WDR25: variants seen among roughly 807,000 people sequenced by gnomAD.
WDR25 encodes WD repeat domain 25, also known as WD repeat-containing protein 25.
In WDR25, 35 loss-of-function variants were observed where a neutral mutation model predicts 47.7. That is an observed-to-expected ratio of 0.73 (90% CI 0.56 to 0.97). The LOEUF (loss-of-function observed/expected upper bound fraction) is 0.97. Ranked by LOEUF, WDR25 falls within the 50% of genes least tolerant of loss-of-function variation. The probability of loss-of-function intolerance (pLI) is 0.00; values close to 1 mark genes in which losing one functional copy is unlikely to be tolerated. For missense variants in WDR25, 634 were observed against 704.7 expected (o/e 0.90, Z 1.14); for synonymous variants, 248 against 278.9 (o/e 0.89, Z 1.10).
At chr14:100,419,415 G>C (rs1897967535) in intron 2 of WDR25, among the ~76,000 whole-genome samples, 1 of 152,012 alleles carries the variant, frequency 6.6e-6, no homozygotes, top group South Asian at 2.1e-4. Flanking sequence ...AACAGAAAAG[G>C]CTATTTCATG....
At position 100,508,218 on chromosome 14, in the gene WDR25, C is replaced by T. The variant is rs1430164415; in HGVS notation, c.1102-17652C>T. Among the ~76,000 whole-genome samples the T allele has an allele frequency of 2.6e-5, 4 of 152,022 alleles. No individual in the cohort carries two copies. In the East Asian group the frequency reaches 5.8e-4, roughly 22 times the overall value. On this transcript the variant is annotated intron_variant, in intron 4 of 6. Transcript: ENST00000402312. ...CACAGAAAAAGCTTTCAATAAAATCCAACATCCTTTCGTGATAAAAACCCT... is the reference window on the plus strand; with the variant it reads ...CACAGAAAAAGCTTTCAATAAAATCTAACATCCTTTCGTGATAAAAACCCT...
At chr14:100,514,061 A>C (rs113159755) in intron 4 of WDR25, among the ~76,000 whole-genome samples, 20 of 150,914 alleles carry the variant, frequency 1.3e-4, no homozygotes, top group Admixed American at 7.3e-4. Context: ...TCAGCCTCCC[A>C]AGTAGCTGGG....
chr14:100,457,307 AG>A (rs918190209), intron 2 of WDR25, among the ~76,000 whole-genome samples: 15 of 152,212 alleles, frequency 9.9e-5, no homozygotes, highest in Non-Finnish European at 5.9e-5. Flanking sequence ...AGTAACCAGA[AG>A]GGGGAACAAG....
rs912378313 is a variant in WDR25, at chr14:100,449,806, C to A, written c.823-18215C>A. Among the ~76,000 whole-genome samples the A allele has an allele frequency of 6.6e-6, 1 of 152,196 alleles. No individual in the cohort carries two copies. Among genetic ancestry groups the A allele is most frequent in the Non-Finnish European group, 1.5e-5 (1 of 68,036 alleles). Reference sequence around the variant, plus strand: ...ACCATCATGCGGTCATAGGATGAGACGTCCCAGGTTCTGGCTCTCCCTGCC... The same window carrying A: ...ACCATCATGCGGTCATAGGATGAGAAGTCCCAGGTTCTGGCTCTCCCTGCC... On this transcript the variant is annotated intron_variant, in intron 2 of 6. Coordinates refer to ENST00000402312, the MANE Select transcript of WDR25 (RefSeq NM_001161476.3). This position sits in a 1 kb window ranked among gnomAD's most constrained non-coding sequence, Gnocchi z 4.2.
chr14:100,427,920 G>A (rs988511306), intron 2 of WDR25, among the ~76,000 whole-genome samples: 8 of 152,234 alleles, frequency 5.3e-5, no homozygotes, highest in Non-Finnish European at 1.2e-4. Context: ...TCCTGGTGAT[G>A]TGGTGCTGGA....
Position 100,498,412 on chromosome 14 carries a change from G to C in WDR25, c.1101+14288G>C, listed in dbSNP as rs1423366603. ...CCCTTTTCCACCAAACAGATTTCTT[G>C]GTTTTTAATTACAGTCTTTGTCTTG... On this transcript the variant is annotated intron_variant, in intron 4 of 6. Coordinates refer to ENST00000402312, the MANE Select transcript of WDR25 (RefSeq NM_001161476.3). The surrounding 1 kb of genome is among the most constrained non-coding windows in gnomAD (Gnocchi z 4.2). 6.6e-6 allele frequency among the ~76,000 whole-genome samples: 1 copy of C among 152,144 alleles called. No individual in the cohort carries two copies. Among genetic ancestry groups the C allele is most frequent in the Non-Finnish European group, 1.5e-5 (1 of 68,024 alleles).
At chr14:100,476,175 G>A (rs550561640) in intron 3 of WDR25, among the ~76,000 whole-genome samples, 1 of 152,338 alleles carries the variant, frequency 6.6e-6, no homozygotes, top group South Asian at 2.1e-4. Context: ...GGCTGGAGAG[G>A]ATTGCTGGCC....
At chr14:100,487,917 G>A (rs1900438318) in intron 4 of WDR25, 1 of 152,164 alleles carries the variant, frequency 6.6e-6, no homozygotes, top group Non-Finnish European at 1.5e-5. Flanking sequence ...CAGAACTGAG[G>A]GGAGTGAGGC....
intron 2 of WDR25, among the ~76,000 whole-genome samples, chr14:100,456,750 A>C (rs1041112156): frequency 3.3e-5 from 5 of 152,196 alleles, no homozygotes; most frequent in African/African-American, 2.4e-5. Context: ...GAGCTGTGGG[A>C]CAACTTCAGG....
chr14:100,437,068 G>C (rs1390190676), intron 2 of WDR25, among the ~76,000 whole-genome samples: 1 of 152,224 alleles, frequency 6.6e-6, no homozygotes, highest in Non-Finnish European at 1.5e-5. Context: ...TGAGGGGCTG[G>C]AGCTGGAGTA....
intron 2 of WDR25, among the ~76,000 whole-genome samples, chr14:100,461,615 C>T (rs1363993022): frequency 6.6e-6 from 1 of 152,208 alleles, no homozygotes; most frequent in Non-Finnish European, 1.5e-5. Context: ...TGAAGGGCTT[C>T]TCAAAGATTT....
chr14:100,377,331 G>C (rs1896725569), intron 1 of WDR25, among the ~76,000 whole-genome samples: 2 of 148,708 alleles, frequency 1.3e-5, no homozygotes, highest in Admixed American at 6.7e-5. Context: ...ACCAAGTCTC[G>C]CTCTGTAGCC....
At chr14:100,505,365 T>A (rs1901075939) in intron 4 of WDR25, among the ~76,000 whole-genome samples, 1 of 152,210 alleles carries the variant, frequency 6.6e-6, no homozygotes, top group Non-Finnish European at 1.5e-5. Flanking sequence ...CATTAGATTG[T>A]TTTTGGAGCC....
rs1315457417 is a variant in WDR25, at chr14:100,525,422, C to T, written c.1102-448C>T. 1.3e-5 allele frequency among the ~76,000 whole-genome samples: 2 copies of T among 152,194 alleles called. No homozygotes were observed. Among genetic ancestry groups the T allele is most frequent in the Admixed American group, 6.5e-5 (1 of 15,288 alleles). On this transcript the variant is annotated intron_variant, in intron 4 of 6. Coordinates refer to ENST00000402312, the MANE Select transcript of WDR25 (RefSeq NM_001161476.3). This position sits in a 1 kb window ranked among gnomAD's most constrained non-coding sequence, Gnocchi z 4.6. ...TGGTCTGTCCCCAAGCACACTTGCTCCTGCATTACTGTGGCTCCTCTGGGA... is the reference window on the plus strand; with the variant it reads ...TGGTCTGTCCCCAAGCACACTTGCTTCTGCATTACTGTGGCTCCTCTGGGA...
chr14:100,380,801 A>G (rs1410312489), intron 1 of WDR25, 109 bp from the exon 2 acceptor site: 1 of 1,082,422 alleles, frequency 9.2e-7, no homozygotes, highest in Non-Finnish European at 1.3e-6. Context: ...GCCTGTGTTT[A>G]TTCTTATGAG....
chr14:100,485,789 G>A (rs60577555), intron 4 of WDR25, among the ~76,000 whole-genome samples: 42,388 of 152,042 alleles, frequency 0.28, 7,497 homozygotes, highest in South Asian at 0.56. Context: ...GGCTGGCACC[G>A]GAAGACCCTT....
chr14:100,467,916 A>C, intron 2 of WDR25, 105 bp from the exon 3 acceptor site: 1 of 1,381,212 alleles, frequency 7.2e-7, no homozygotes, highest in Non-Finnish European at 9.9e-7. Flanking sequence ...AAATAATGAG[A>C]ATCTAATTCC....
At chr14:100,379,810 C>T (rs1050181334) in intron 1 of WDR25, among the ~76,000 whole-genome samples, 6 of 151,858 alleles carry the variant, frequency 4.0e-5, no homozygotes, top group African/African-American at 9.7e-5. Context: ...GGCACAATCT[C>T]GGTTCACTGC....
chr14:100,410,622 C>T (rs976296497), intron 2 of WDR25, among the ~76,000 whole-genome samples: 2 of 151,862 alleles, frequency 1.3e-5, no homozygotes, highest in Non-Finnish European at 2.9e-5. Flanking sequence ...CAGCCCGTGC[C>T]GAGGCTGAGA....
Sources: allele counts gnomAD v4.1 joint callset (sites outside exome capture counted in the v4.1 genomes callset), GRCh38; gene constraint gnomAD v4.1.1; non-coding constraint Gnocchi (gnomAD v3.1); transcripts MANE v1.5; gene names NCBI Gene and HGNC (gene_info 2026-07-23, HGNC 2026-07-21).